The following EGFR variants were observed in gnomAD, a reference collection of about 807,000 sequenced individuals.
The protein encoded by EGFR is epidermal growth factor receptor.
Under a neutral mutation model 143.0 loss-of-function variants are expected in EGFR, and 58 were observed. The observed-to-expected ratio is 0.41, with a 90% CI of 0.33 to 0.50. The LOEUF (loss-of-function observed/expected upper bound fraction) is 0.50. Among genes scored for constraint, EGFR ranks in the 20% least tolerant of loss-of-function variants. The pLI is 0.39. For synonymous variants in EGFR, 613 were observed against 594.4 expected, an observed-to-expected ratio of 1.03 and a Z score of -0.45; for missense variants, 1,307 against 1,579.0, an observed-to-expected ratio of 0.83 and a Z score of 2.92.
Position 55,168,453 on chromosome 7 carries a change from G to A in EGFR, c.1881-2722G>A, listed in dbSNP as rs1786178735. On this transcript the variant is annotated intron_variant, in intron 15 of 27. Transcript: ENST00000275493. ...AATAGTTTGCCAAATATAGAAAGAGGGGATTTAGTCAAGATTTAAATTAAA... is the reference window on the plus strand; with the variant it reads ...AATAGTTTGCCAAATATAGAAAGAGAGGATTTAGTCAAGATTTAAATTAAA... 3 of 950,620 alleles carry A rather than the reference G, an allele frequency of 3.2e-6. No individual in the cohort carries two copies. The South Asian group carries it at 3.9e-5, about 13-fold the overall frequency. 58.9% of individuals were successfully genotyped at this position (950,620 alleles called of 1,614,324 possible).
chr7:55,187,834 C>T (rs930176689), intron 20 of EGFR, among the ~76,000 whole-genome samples: 8 of 152,164 alleles, frequency 5.3e-5, no homozygotes, highest in Non-Finnish European at 1.0e-4. Flanking sequence ...CCCTCCCCAC[C>T]AGCACCCCAA....
At chr7:55,133,701 G>A (rs11238353) in intron 1 of EGFR, among the ~76,000 whole-genome samples, 6,881 of 152,260 alleles carry the variant, frequency 0.045, 421 homozygotes, top group East Asian at 0.29. Flanking sequence ...AGCGAGCCAG[G>A]AAGGGAGAGG....
chr7:55,150,773 A>T (rs894351201), intron 4 of EGFR, among the ~76,000 whole-genome samples: 9 of 152,216 alleles, frequency 5.9e-5, no homozygotes, highest in African/African-American at 2.2e-4. Context: ...AGTGATCTGC[A>T]CTGTTAACAT....
chr7:55,111,574 T>C (rs775793713), intron 1 of EGFR, among the ~76,000 whole-genome samples: 2 of 152,202 alleles, frequency 1.3e-5, no homozygotes, highest in Non-Finnish European at 2.9e-5. Flanking sequence ...ACTTTCTAGA[T>C]TGAATAAAAT....
chr7:55,136,514 GT>G (rs531671877), intron 1 of EGFR, among the ~76,000 whole-genome samples: 50 of 152,284 alleles, frequency 3.3e-4, no homozygotes, highest in African/African-American at 1.2e-3. Context: ...TCCAACATGT[GT>G]GTGTGCATTT....
At chr7:55,204,748 C>T in intron 27 of EGFR, among the ~76,000 whole-genome samples, 1 of 147,958 alleles carries the variant, frequency 6.8e-6, no homozygotes, top group South Asian at 2.2e-4. Flanking sequence ...ACTCATACCA[C>T]ACATACATAC....
intron 1 of EGFR, among the ~76,000 whole-genome samples, chr7:55,126,076 G>A (rs1260195687): frequency 7.9e-5 from 12 of 152,080 alleles, no homozygotes; most frequent in Non-Finnish European, 1.5e-4. Context: ...CACATGTGGC[G>A]GGGCCCCGCT....
At position 55,205,335 on chromosome 7, in the gene EGFR, C is replaced by T. The variant is rs149995949; in HGVS notation, c.3351C>T (p.Pro1117=). 8.6e-5 allele frequency: 139 copies of T among 1,612,238 alleles called. No individual in the cohort carries two copies. The highest frequency in any genetic ancestry group is 3.1e-4 in the South Asian group (28 of 90,810). Residue 1117 remains proline (P), a synonymous_variant, in exon 28 of 28, where the codon CCC becomes CCT. Transcript: ENST00000275493. ...NPVYHNQPLN[P]APSRDPHYQD... is the part of the protein sequence containing the mutation. The stretch of plus-strand genomic sequence containing the variant: ...TCTATCACAATCAGCCTCTGAACCC[C>T]GCGCCCAGCAGAGACCCACACTACC...
At chr7:55,044,497 C>T (rs1453026304) in intron 1 of EGFR, among the ~76,000 whole-genome samples, 1 of 152,200 alleles carries the variant, frequency 6.6e-6, no homozygotes, top group Admixed American at 6.5e-5. Context: ...AGCTGGGCAC[C>T]TGACTCAGCA....
chr7:55,059,134 C>G (rs1446872334), intron 1 of EGFR, among the ~76,000 whole-genome samples: 1 of 152,200 alleles, frequency 6.6e-6, no homozygotes. Context: ...TTCTGTGCAA[C>G]AAGACTTCCA....
At chr7:55,101,974 T>C (rs1791860001) in intron 1 of EGFR, among the ~76,000 whole-genome samples, 1 of 152,188 alleles carries the variant, frequency 6.6e-6, no homozygotes, top group African/African-American at 2.4e-5. Context: ...CGGGAAACTC[T>C]GTATCGAAGC....
At chr7:55,183,775 C>T (rs1478998043) in intron 20 of EGFR, among the ~76,000 whole-genome samples, 4 of 152,216 alleles carry the variant, frequency 2.6e-5, no homozygotes, top group Non-Finnish European at 5.9e-5. Flanking sequence ...TTTGTGCCTA[C>T]CTGTCCCAAC....
intron 1 of EGFR, among the ~76,000 whole-genome samples, chr7:55,105,174 C>A (rs901106719): frequency 6.6e-6 from 1 of 152,140 alleles, no homozygotes; most frequent in Non-Finnish European, 1.5e-5. Context: ...TTATTTTTAG[C>A]CATCTCCCCT....
In EGFR at chr7:55,184,124, C is replaced by T. The variant is rs550002684; in HGVS notation, c.2469+2646C>T. 2.0e-5 allele frequency among the ~76,000 whole-genome samples: 3 copies of T among 152,344 alleles called. No individual in the cohort carries two copies. In the East Asian group the frequency reaches 5.8e-4, roughly 29 times the overall value. ...TTGCTGGCCTGTCTGCGCCTCGTCT[C>T]CCGACTGTGGAGTGTGTTCTGCCCC... On this transcript the variant is annotated intron_variant, in intron 20 of 27. Transcript: ENST00000275493.
chr7:55,170,733 T>C, intron 15 of EGFR: 1 of 1,482,940 alleles, frequency 6.7e-7, no homozygotes, highest in Non-Finnish European at 8.9e-7. Flanking sequence ...GCCAGATGAT[T>C]GTTCAAAGCA....
intron 24 of EGFR, chr7:55,200,654 G>T (rs41466248): frequency 5.2e-6 from 3 of 581,278 alleles, no homozygotes; most frequent in East Asian, 5.9e-5. Context: ...TCTGGTGCTC[G>T]TCCTCACTGT....
chr7:55,089,153 CT>C (rs1021302440), intron 1 of EGFR, among the ~76,000 whole-genome samples: 1 of 151,870 alleles, frequency 6.6e-6, no homozygotes, highest in African/African-American at 2.4e-5. Context: ...TTGCCTCTTG[CT>C]TTTTTTTAAC....
intron 11 of EGFR, among the ~76,000 whole-genome samples, chr7:55,159,651 G>A (rs566790176): frequency 2.6e-4 from 39 of 152,282 alleles, no homozygotes; most frequent in African/African-American, 8.9e-4. Flanking sequence ...ACGGGGTTGT[G>A]TCACCACCAG....
chr7:55,069,271 G>A (rs1789690335), intron 1 of EGFR, among the ~76,000 whole-genome samples: 1 of 152,184 alleles, frequency 6.6e-6, no homozygotes, highest in African/African-American at 2.4e-5. Context: ...GCCCTTGAGT[G>A]CCAAACAGCC....
Sources: allele counts gnomAD v4.1 joint callset (sites outside exome capture counted in the v4.1 genomes callset), GRCh38; gene constraint gnomAD v4.1.1; transcripts MANE v1.5; gene names NCBI Gene and HGNC (gene_info 2026-07-23, HGNC 2026-07-21).